UBR1: variants seen among roughly 807,000 people sequenced by gnomAD.
UBR1 encodes ubiquitin protein ligase E3 component n-recognin 1.
UBR1 carries 102 observed loss-of-function variants against 242.1 expected under a neutral mutation model. That is an observed-to-expected ratio of 0.42 (90% CI 0.36 to 0.50). UBR1 has a LOEUF of 0.50. Among genes scored for constraint, UBR1 ranks in the 20% least tolerant of loss-of-function variants. The probability of loss-of-function intolerance (pLI) is 0.01; values close to 1 mark genes in which losing one functional copy is unlikely to be tolerated. For missense variants in UBR1, 1,772 were observed against 2,101.8 expected (o/e 0.84, Z 3.07); for synonymous variants, 675 against 684.8 (o/e 0.99, Z 0.22).
intron 33 of UBR1, among the ~76,000 whole-genome samples, chr15:42,992,127 G>C (rs986396810): frequency 1.3e-5 from 2 of 151,826 alleles, no homozygotes; most frequent in Non-Finnish European, 2.9e-5. Context: ...ATCTCCATAC[G>C]GTTGGTTTTT....
intron 3 of UBR1, among the ~76,000 whole-genome samples, chr15:43,079,752 A>T (rs996421417): frequency 2.0e-5 from 3 of 152,176 alleles, no homozygotes; most frequent in Non-Finnish European, 4.4e-5. Flanking sequence ...ACTGCACTCC[A>T]GCCTGGGCGA....
intron 1 of UBR1, among the ~76,000 whole-genome samples, chr15:43,105,198 T>C (rs1217057439): frequency 6.6e-6 from 1 of 152,214 alleles, no homozygotes; most frequent in Non-Finnish European, 1.5e-5. Flanking sequence ...CCACACTAGA[T>C]GCCCTGGGCA....
At chr15:43,072,999 T>C (rs1016197280) in intron 4 of UBR1, among the ~76,000 whole-genome samples, 2 of 151,934 alleles carry the variant, frequency 1.3e-5, no homozygotes, top group African/African-American at 2.4e-5. Context: ...CCATCTCTAC[T>C]AAAAATATAA....
intron 13 of UBR1, 21 bp from the exon 14 acceptor site, chr15:43,047,310 A>G (rs1281596865): frequency 9.3e-6 from 15 of 1,614,058 alleles, no homozygotes; most frequent in South Asian, 2.2e-5. Context: ...AAGTTGGTCA[A>G]CATACACCTA....
At position 43,054,780 on chromosome 15, in the gene UBR1, G is replaced by T. The variant is rs756660723; in HGVS notation, c.1401C>A (p.Asp467Glu). Reference sequence around the variant, plus strand: ...TTACTGCATATACTCTTCCCAATTTGTCCTGGCTATAACCCTGGAAGTTGA... The same window carrying T: ...TTACTGCATATACTCTTCCCAATTTTTCCTGGCTATAACCCTGGAAGTTGA... ...NKFNFQGYSQ[D>E]KLGRVYAVIC... Residue 467 changes from aspartate to glutamate, a missense_variant, in exon 12 of 47, where the codon GAC becomes GAA. Physicochemically the swap from Asp to Glu is conservative, Grantham distance 45. Around this residue, in one of 3 missense-constraint regions of UBR1, gnomAD observed 734 missense variants for 893.3 expected, o/e 0.82. Coordinates refer to ENST00000290650, the MANE Select transcript of UBR1 (RefSeq NM_174916.3). 1 of 1,613,940 alleles carries T rather than the reference G, an allele frequency of 6.2e-7. No homozygotes were observed. Among genetic ancestry groups the T allele is most frequent in the South Asian group, 1.1e-5 (1 of 91,086 alleles).
chr15:42,955,528 A>G (rs1596074002), intron 44 of UBR1, among the ~76,000 whole-genome samples: 1 of 152,202 alleles, frequency 6.6e-6, no homozygotes, highest in Non-Finnish European at 1.5e-5. Context: ...TTGTCTTTTA[A>G]TTACAAGTTA....
intron 10 of UBR1, 127 bp downstream of exon 10, chr15:43,058,214 A>C (rs956020987): frequency 1.3e-6 from 1 of 781,046 alleles, no homozygotes; most frequent in East Asian, 2.9e-5. Flanking sequence ...AGGGCCAAGA[A>C]CAAACTTTTG....
chr15:43,091,652 A>T (rs1386820675), intron 1 of UBR1, among the ~76,000 whole-genome samples: 1 of 152,060 alleles, frequency 6.6e-6, no homozygotes, highest in Non-Finnish European at 1.5e-5. Flanking sequence ...ATTTTAAAAC[A>T]TCATGGCTGG....
At chr15:42,950,645 G>A in intron 45 of UBR1, 1 of 410,774 alleles carries the variant, frequency 2.4e-6, no homozygotes, top group Non-Finnish European at 4.5e-6. Flanking sequence ...TCCTACTTCA[G>A]CCACAGACAC....
At chr15:42,990,777 G>C (rs1170724324) in intron 33 of UBR1, among the ~76,000 whole-genome samples, 1 of 152,150 alleles carries the variant, frequency 6.6e-6, no homozygotes, top group East Asian at 1.9e-4. Flanking sequence ...GCATATGTTA[G>C]TGAATAAGAG....
intron 41 of UBR1, 84 bp from the exon 42 acceptor site, chr15:42,964,127 C>A: frequency 1.1e-6 from 1 of 942,012 alleles, no homozygotes; most frequent in Non-Finnish European, 1.7e-6. Flanking sequence ...ACTGTTTATG[C>A]TTATTTCTAC....
intron 27 of UBR1, among the ~76,000 whole-genome samples, chr15:43,019,330 T>C (rs1419730946): frequency 6.6e-6 from 1 of 152,214 alleles, no homozygotes; most frequent in Admixed American, 6.5e-5. Context: ...CCCAAAGTGC[T>C]GGGATTACAG....
In UBR1 at chr15:43,104,850, A is replaced by T. The variant is rs554891411; in HGVS notation, c.81+1092T>A. Among the ~76,000 whole-genome samples the T allele has an allele frequency of 2.6e-5, 4 of 151,548 alleles. No individual in the cohort carries two copies. In the East Asian group the frequency reaches 7.7e-4, roughly 29 times the overall value. ...CCCCGTCTCTAATAAAAATAAAAAT[A>T]AAAAAAATTAGGCAAGCATGGTGGC... On this transcript the variant is annotated intron_variant, in intron 1 of 46. Transcript: ENST00000290650.
At chr15:43,091,301 C>G (rs2034103478) in intron 1 of UBR1, among the ~76,000 whole-genome samples, 1 of 152,090 alleles carries the variant, frequency 6.6e-6, no homozygotes, top group African/African-American at 2.4e-5. Flanking sequence ...GGTTGGGCAT[C>G]CCACACCCAA....
intron 3 of UBR1, among the ~76,000 whole-genome samples, chr15:43,077,392 C>A (rs1243829594): frequency 1.3e-5 from 2 of 151,888 alleles, no homozygotes; most frequent in Non-Finnish European, 2.9e-5. Context: ...TGTGTCCACT[C>A]AGGGTTAAAT....
chr15:43,002,667 T>C lies in UBR1; in HGVS notation c.3547A>G (p.Ile1183Val). 1 of 1,614,184 alleles carries C rather than the reference T, an allele frequency of 6.2e-7. No homozygotes were observed. The highest frequency in any genetic ancestry group is 8.5e-7 in the Non-Finnish European group (1 of 1,180,046). ...EAVQLSSQQRIHVDLFDLESG... is the reference protein window; with the variant it reads ...EAVQLSSQQRVHVDLFDLESG... ...TCCAAGTCAAAAAGGTCAACATGAATGCGCTGCTGAGAGCTCAGCTGTACA... is the reference window on the plus strand; with the variant it reads ...TCCAAGTCAAAAAGGTCAACATGAACGCGCTGCTGAGAGCTCAGCTGTACA... Residue 1183 changes from isoleucine to valine, a missense_variant, in exon 32 of 47, where the codon ATT becomes GTT. Ile to Val is a conservative substitution (Grantham distance 29). Coordinates refer to ENST00000290650, the MANE Select transcript of UBR1 (RefSeq NM_174916.3).
chr15:43,038,045 A>G, intron 16 of UBR1, 126 bp downstream of exon 16: 1 of 1,233,864 alleles, frequency 8.1e-7, no homozygotes, highest in Non-Finnish European at 1.2e-6. Flanking sequence ...TACTATATGA[A>G]GATGTAAAAT....
At chr15:42,981,745 C>T (rs2141270925) in intron 37 of UBR1, among the ~76,000 whole-genome samples, 2 of 152,256 alleles carry the variant, frequency 1.3e-5, no homozygotes, top group Non-Finnish European at 2.9e-5. Context: ...CGCACCCAGC[C>T]ACTTGTCTCA....
At chr15:42,999,043 C>A (rs1402686713) in intron 32 of UBR1, among the ~76,000 whole-genome samples, 1 of 150,364 alleles carries the variant, frequency 6.7e-6, no homozygotes. Flanking sequence ...TGGGTTCAAG[C>A]GATTCTCCTG....
Sources: allele counts gnomAD v4.1 joint callset (sites outside exome capture counted in the v4.1 genomes callset), GRCh38; gene constraint gnomAD v4.1.1; regional missense constraint gnomAD v4.1.1; transcripts MANE v1.5; gene names NCBI Gene and HGNC (gene_info 2026-07-23, HGNC 2026-07-21).